The following MCM6 variants were observed in gnomAD, a reference collection of about 807,000 sequenced individuals.
The protein encoded by MCM6 is minichromosome maintenance complex component 6, also known as DNA replication licensing factor MCM6.
MCM6 carries 46 observed loss-of-function variants against 94.3 expected under a neutral mutation model. That is an observed-to-expected ratio of 0.49 (90% CI 0.39 to 0.62). The LOEUF (loss-of-function observed/expected upper bound fraction) is 0.62. MCM6 is among the 20% of genes least tolerant of loss of function. The pLI is 0.00. For missense variants in MCM6, 865 were observed against 1,017.9 expected, an observed-to-expected ratio of 0.85 and a Z score of 2.04; for synonymous variants, 335 against 351.9, an observed-to-expected ratio of 0.95 and a Z score of 0.54.
At chr2:135,860,627 A>T (rs1025377222) in intron 8 of MCM6, among the ~76,000 whole-genome samples, 22 of 152,230 alleles carry the variant, frequency 1.4e-4, no homozygotes, top group African/African-American at 5.1e-4. Context: ...ACCTAAACAG[A>T]TGTAGAAAAA....
At chr2:135,869,258 A>C (rs559430509) in intron 3 of MCM6, among the ~76,000 whole-genome samples, 134 of 152,106 alleles carry the variant, frequency 8.8e-4, no homozygotes, top group African/African-American at 3.2e-3. Context: ...AAAACTAGCC[A>C]GTCGTGGTGG....
At chr2:135,842,046 G>A (rs944918818) in intron 16 of MCM6, among the ~76,000 whole-genome samples, 31 of 152,016 alleles carry the variant, frequency 2.0e-4, no homozygotes, top group African/African-American at 7.5e-4. Context: ...CGGAAGTTGC[G>A]GCGAGCTGAG....
chr2:135,870,170 C>T, intron 3 of MCM6, 81 bp downstream of exon 3: 1 of 1,003,996 alleles, frequency 1.0e-6, no homozygotes, highest in East Asian at 2.4e-5. Context: ...TCAAGGCAAC[C>T]TCTCAAGTTT....
Position 135,840,487 on chromosome 2 carries a change from G to A in MCM6, c.*348C>T, listed in dbSNP as rs1679548810. ...TTTTGATGAATAAAAGCAGTAGCTG[G>A]CAATTGAAAAAAAGTTATTTGCTCA... On this transcript the variant is annotated 3_prime_UTR_variant, in exon 17 of 17. Transcript: ENST00000264156. 1 of 165,722 alleles carries A rather than the reference G, an allele frequency of 6.0e-6. No individual in the cohort carries two copies. Among genetic ancestry groups the A allele is most frequent in the African/African-American group, 2.4e-5 (1 of 41,880 alleles). The allele number at this position is 165,722 out of a possible 1,614,324, so 10.3% of individuals were successfully genotyped here. A position where few individuals can be genotyped will look rare whatever the true frequency, so the allele number is the denominator to read the frequency against.
At chr2:135,852,254 A>T (rs1679791633) in intron 12 of MCM6, among the ~76,000 whole-genome samples, 2 of 152,118 alleles carry the variant, frequency 1.3e-5, no homozygotes, top group African/African-American at 4.8e-5. Context: ...TGAAAATCTC[A>T]ACCAGAATGA....
Position 135,844,081 on chromosome 2 carries a change from C to T in MCM6, c.2349+464G>A, listed in dbSNP as rs574816957. ...ATAAGACTGGGCTCATAATTATATG[C>T]TTTTCTCCAGATACTTTCAGCTGCT... On this transcript the variant is annotated intron_variant, in intron 16 of 16. Coordinates refer to ENST00000264156, the MANE Select transcript of MCM6 (RefSeq NM_005915.6). Among the ~76,000 whole-genome samples the T allele has an allele frequency of 1.2e-3, 186 of 151,258 alleles. 3 individuals are homozygous for T. The South Asian group carries it at 0.038, about 31-fold the overall frequency.
intron 14 of MCM6, among the ~76,000 whole-genome samples, chr2:135,847,363 T>A (rs1241672376): frequency 6.6e-6 from 1 of 152,142 alleles, no homozygotes; most frequent in African/African-American, 2.4e-5. Context: ...TGCAGTGCCA[T>A]GAGTGTACCA....
chr2:135,849,563 A>G lies in MCM6; in HGVS notation c.1918-1375T>C, dbSNP rs181976120. On this transcript the variant is annotated intron_variant, in intron 13 of 16. Transcript: ENST00000264156. ...TTAAAACAGAGCAAGCTGATTTCTA[A>G]GTTCCTAACAGCTGATAGAGAACAA... Among the ~76,000 whole-genome samples, 462 of 152,360 alleles carry G rather than the reference A, an allele frequency of 3.0e-3. 3 individuals are homozygous for G. Among genetic ancestry groups the G allele is most frequent in the African/African-American group, 0.011 (439 of 41,594 alleles).
intron 9 of MCM6, among the ~76,000 whole-genome samples, chr2:135,858,884 T>TG (rs915640684): frequency 2.9e-5 from 3 of 104,262 alleles, no homozygotes; most frequent in East Asian, 2.3e-4. Context: ...TAAAGAATGC[T>TG]GGGTTTTTTT....
At chr2:135,846,946 G>A (rs1370184762) in intron 14 of MCM6, among the ~76,000 whole-genome samples, 1 of 151,990 alleles carries the variant, frequency 6.6e-6, no homozygotes, top group Non-Finnish European at 1.5e-5. Flanking sequence ...AAAGGTTGCA[G>A]TGAGATGAGA....
chr2:135,848,435 C>T (rs562625682), intron 13 of MCM6, among the ~76,000 whole-genome samples: 161 of 152,268 alleles, frequency 1.1e-3, no homozygotes, highest in African/African-American at 3.8e-3. Context: ...GAAGGTAGAA[C>T]AACTCTCATT....
chr2:135,864,756 A>T lies in MCM6; in HGVS notation c.1078+257T>A, dbSNP rs80067009. 2.6e-3 allele frequency among the ~76,000 whole-genome samples: 401 copies of T among 152,266 alleles called. 4 individuals are homozygous for T. Among genetic ancestry groups the T allele is most frequent in the African/African-American group, 9.4e-3 (389 of 41,562 alleles). ...AACTTTGTCATCATCCCAAATAGCAACTTTATCCATTAAATAACTCATTTC... is the reference window on the plus strand; with the variant it reads ...AACTTTGTCATCATCCCAAATAGCATCTTTATCCATTAAATAACTCATTTC... On this transcript the variant is annotated intron_variant, in intron 7 of 16. Transcript: ENST00000264156.
intron 6 of MCM6, 132 bp downstream of exon 6, chr2:135,866,000 G>T: frequency 9.6e-7 from 1 of 1,042,916 alleles, no homozygotes; most frequent in Non-Finnish European, 1.4e-6. Context: ...TACTCAGGAG[G>T]TTGAGATGGT....
intron 10 of MCM6, 69 bp downstream of exon 10, chr2:135,857,828 C>T (rs1679920372): frequency 3.9e-6 from 5 of 1,297,760 alleles, no homozygotes; most frequent in Non-Finnish European, 5.6e-6. Context: ...TCCAGGTGAA[C>T]TTCTCTAGTA....
At chr2:135,858,036 G>A (rs1679924168) in intron 9 of MCM6, 32 bp from the exon 10 acceptor site, 2 of 1,593,870 alleles carry the variant, frequency 1.3e-6, no homozygotes, top group East Asian at 2.2e-5. Flanking sequence ...CTAAGAAGCT[G>A]TCTTTCAAGC....
chr2:135,869,247 A>G (rs1016791318), intron 3 of MCM6, among the ~76,000 whole-genome samples: 1 of 152,076 alleles, frequency 6.6e-6, no homozygotes, highest in Non-Finnish European at 1.5e-5. Flanking sequence ...CTAAAAATAC[A>G]AAAACTAGCC....
At chr2:135,844,438 A>T in intron 16 of MCM6, 107 bp downstream of exon 16, 1 of 968,002 alleles carries the variant, frequency 1.0e-6, no homozygotes, top group Non-Finnish European at 1.4e-6. Context: ...CACTCCAATG[A>T]TTCAAAACAA....
chr2:135,857,820 C>T (rs1044988470), intron 10 of MCM6, 77 bp downstream of exon 10: 2 of 1,176,594 alleles, frequency 1.7e-6, no homozygotes, highest in Non-Finnish European at 2.5e-6. Flanking sequence ...GAATTTTATC[C>T]AGGTGAACTT....
At position 135,848,110 on chromosome 2, in the gene MCM6, G is replaced by T. The variant is rs1400904375; in HGVS notation, c.1996C>A (p.Leu666Ile). The T allele has an allele frequency of 1.2e-6, 2 of 1,610,968 alleles. No homozygotes were observed. The highest frequency in any genetic ancestry group is 1.7e-6 in the Non-Finnish European group (2 of 1,177,266). ...ATCTGGATCTCTTCCTCTTGATCTA[G>T]ATTGACATCAGGTGTTTCCACACGG... ...IIRVETPDVN[L>I]DQEEEIQMEV... Residue 666 changes from leucine to isoleucine, a missense_variant, in exon 14 of 17, where the codon CTA (leucine) becomes ATA (isoleucine). Physicochemically the swap from Leu to Ile is conservative, Grantham distance 5. Around this residue, in one of 3 missense-constraint regions of MCM6, gnomAD observed 308 missense variants for 324.5 expected, o/e 0.95. Transcript: ENST00000264156.
Sources: gnomAD v4.1 joint callset for allele counts (sites outside exome capture counted in the v4.1 genomes callset) on GRCh38, gnomAD v4.1.1 for gene constraint, gnomAD v4.1.1 regional missense constraint, MANE v1.5 for transcripts, NCBI Gene and HGNC (gene_info 2026-07-23, HGNC 2026-07-21) for gene names.